The following BLTP1 variants were observed in gnomAD, a reference collection of about 807,000 sequenced individuals.
BLTP1 encodes fragile site-associated protein.
At chr4:122,247,150 T>C in the BLTP1 span, 2 of 1,596,780 alleles carry the variant, frequency 1.3e-6, no homozygotes, top group East Asian at 2.2e-5. Flanking sequence ...CTCTTTTTTT[T>C]CATAAAGAGG....
the BLTP1 span, chr4:122,196,783 A>C: frequency 6.6e-7 from 1 of 1,516,858 alleles, no homozygotes; most frequent in Admixed American, 1.8e-5. Flanking sequence ...GCTGTTTACC[A>C]AAAATAGGGT....
At chr4:122,210,639 A>G in the BLTP1 span, among the ~76,000 whole-genome samples, 1 of 152,122 alleles carries the variant, frequency 6.6e-6, no homozygotes, top group African/African-American at 2.4e-5. Context: ...GTTAACAGAA[A>G]GTTTTCATTG....
the BLTP1 span, chr4:122,257,375 C>T: frequency 6.2e-7 from 1 of 1,614,080 alleles, no homozygotes; most frequent in Non-Finnish European, 8.5e-7. Flanking sequence ...TAGACCAGCT[C>T]AGCCTCTGAA....
At chr4:122,184,889 G>A in the BLTP1 span, 1 of 984,506 alleles carries the variant, frequency 1.0e-6, no homozygotes, top group Middle Eastern at 5.2e-4. Context: ...ACTTTTTCCA[G>A]ACATGAAATC....
the BLTP1 span, chr4:122,293,105 T>C: frequency 1.7e-5 from 16 of 956,428 alleles, no homozygotes; most frequent in African/African-American, 2.6e-4. Flanking sequence ...GTTAATAGCT[T>C]AATCAAGTAT....
At chr4:122,272,488 C>A in the BLTP1 span, 1 of 1,206,562 alleles carries the variant, frequency 8.3e-7, no homozygotes, top group Non-Finnish European at 1.1e-6. Context: ...GCCATGTCTC[C>A]AAAATTCCTA....
At chr4:122,340,627 T>C in the BLTP1 span, 172,305 of 593,942 alleles carry the variant, frequency 0.29, 26,687 homozygotes, top group South Asian at 0.48. Context: ...TGTGAATCTT[T>C]GAAAGTTTTC....
the BLTP1 span, among the ~76,000 whole-genome samples, chr4:122,191,401 A>G: frequency 6.6e-6 from 1 of 152,164 alleles, no homozygotes; most frequent in Non-Finnish European, 1.5e-5. Context: ...CAGCATCCCA[A>G]TAGTTAACAT....
At chr4:122,264,204 C>G in the BLTP1 span, 1 of 1,514,732 alleles carries the variant, frequency 6.6e-7, no homozygotes, top group South Asian at 1.4e-5. Context: ...TTATGTGTTT[C>G]TATTCCCCAA....
chr4:122,240,181 T>C, the BLTP1 span: 1 of 1,614,154 alleles, frequency 6.2e-7, no homozygotes, highest in Non-Finnish European at 8.5e-7. Context: ...CAACCCGTGA[T>C]GAATTGTTAT....
chr4:122,273,519 G>A, the BLTP1 span: 3 of 762,482 alleles, frequency 3.9e-6, no homozygotes, highest in South Asian at 1.8e-4. Flanking sequence ...TTTTTCATCT[G>A]TTTAGCCAAA....
At chr4:122,227,167 A>G in the BLTP1 span, 1 of 1,005,242 alleles carries the variant, frequency 9.9e-7, no homozygotes, top group African/African-American at 1.7e-5. Context: ...AAATTGAAGC[A>G]AAGAGAAGGT....
At chr4:122,277,612 G>A in the BLTP1 span, 1 of 954,526 alleles carries the variant, frequency 1.0e-6, no homozygotes, top group Admixed American at 6.2e-5. Flanking sequence ...AGTAATTAAA[G>A]GATACCAATT....
the BLTP1 span, chr4:122,344,235 T>G: frequency 1.1e-6 from 1 of 909,494 alleles, no homozygotes; most frequent in Non-Finnish European, 1.6e-6. Flanking sequence ...CTAATGCTCA[T>G]TAGATCCCTC....
At chr4:122,207,935 T>C in the BLTP1 span, 1 of 983,188 alleles carries the variant, frequency 1.0e-6, no homozygotes, top group Admixed American at 6.2e-5. Context: ...GTTTACTAAT[T>C]CATATGAACT....
chr4:122,161,097 T>G, the BLTP1 span: 12 of 975,436 alleles, frequency 1.2e-5, no homozygotes, highest in Non-Finnish European at 1.5e-5. Flanking sequence ...AGAGTGTATG[T>G]TGGTGGAGTT....
chr4:122,250,218 C>A, the BLTP1 span: 1 of 866,520 alleles, frequency 1.2e-6, no homozygotes, highest in Non-Finnish European at 1.7e-6. Flanking sequence ...CCTGATAATT[C>A]AGTGATACAT....
At chr4:122,227,211 T>G in the BLTP1 span, 17 of 996,412 alleles carry the variant, frequency 1.7e-5, no homozygotes, top group Non-Finnish European at 2.0e-5. Flanking sequence ...TGCAGACCAC[T>G]CTGGACATGC....
chr4:122,347,195 A>C, the BLTP1 span: 1 of 984,572 alleles, frequency 1.0e-6, no homozygotes, highest in Non-Finnish European at 1.2e-6. Flanking sequence ...GGATTTAGAT[A>C]TTGTTGTAGG....
Sources: gnomAD v4.1 joint callset for allele counts (sites outside exome capture counted in the v4.1 genomes callset) on GRCh38, gnomAD v4.1.1 for gene constraint, MANE v1.5 for transcripts, NCBI Gene and HGNC (gene_info 2026-07-23, HGNC 2026-07-21) for gene names.